OPCML: variants seen among roughly 807,000 people sequenced by gnomAD.
OPCML encodes the protein opioid binding protein/cell adhesion molecule like.
In OPCML, 13 loss-of-function variants were observed where a neutral mutation model predicts 37.8. The observed-to-expected ratio is 0.34, with a 90% confidence interval of 0.22 to 0.55. OPCML has a LOEUF of 0.55. Among genes scored for constraint, OPCML ranks in the 20% least tolerant of loss-of-function variants. OPCML has a pLI of 0.91. For missense variants in OPCML, 341 were observed against 435.6 expected (o/e 0.78, Z 1.93); for synonymous variants, 176 against 168.8 (o/e 1.04, Z -0.33).
chr11:132,906,156 T>C (rs1391510216), intron 2 of OPCML, among the ~76,000 whole-genome samples: 1 of 152,166 alleles, frequency 6.6e-6, no homozygotes, highest in Non-Finnish European at 1.5e-5. Context: ...GGGGCACCTT[T>C]CATCGATGCA....
intron 1 of OPCML, among the ~76,000 whole-genome samples, chr11:133,491,276 G>C (rs1188555112): frequency 1.3e-5 from 2 of 152,150 alleles, no homozygotes; most frequent in Non-Finnish European, 2.9e-5. Context: ...CTATGTTGAG[G>C]CCTCCTAGTC....
At chr11:132,534,890 C>A (rs1014279197) in intron 3 of OPCML, among the ~76,000 whole-genome samples, 1 of 151,944 alleles carries the variant, frequency 6.6e-6, no homozygotes, top group African/African-American at 2.4e-5. Context: ...TTGTTCATGC[C>A]ATTTAGAATC....
chr11:133,253,632 A>G (rs1941215059), intron 1 of OPCML, among the ~76,000 whole-genome samples: 1 of 152,172 alleles, frequency 6.6e-6, no homozygotes, highest in African/African-American at 2.4e-5. Context: ...TTAAATCTTC[A>G]TAACAAATAA....
At chr11:132,859,628 G>T (rs34396079) in intron 2 of OPCML, 1 of 152,352 alleles carries the variant, frequency 6.6e-6, no homozygotes, top group South Asian at 2.1e-4. Context: ...GATTATTACA[G>T]CAGCTTCCTA....
At chr11:132,547,775 T>C (rs772162707) in intron 3 of OPCML, among the ~76,000 whole-genome samples, 1 of 152,186 alleles carries the variant, frequency 6.6e-6, no homozygotes, top group Non-Finnish European at 1.5e-5. Context: ...AAGAATGTTG[T>C]CTGCCACTTG....
intron 2 of OPCML, among the ~76,000 whole-genome samples, chr11:132,720,112 A>T (rs1418070913): frequency 1.3e-5 from 2 of 152,226 alleles, no homozygotes; most frequent in East Asian, 1.9e-4. Flanking sequence ...TAAATGAATG[A>T]GCCCTTTGGA....
chr11:132,643,935 C>T (rs188523322), intron 3 of OPCML, among the ~76,000 whole-genome samples: 2 of 152,276 alleles, frequency 1.3e-5, no homozygotes, highest in Admixed American at 6.5e-5. Context: ...AACTTTTTGT[C>T]CTCAAGCAAC....
intron 1 of OPCML, among the ~76,000 whole-genome samples, chr11:133,062,781 C>T (rs565387099): frequency 6.8e-4 from 104 of 152,338 alleles, no homozygotes; most frequent in Non-Finnish European, 1.0e-3. Flanking sequence ...GTCATTGATC[C>T]CAATCCTGAT....
chr11:133,028,643 C>G lies in OPCML; in HGVS notation c.62-85633G>C, dbSNP rs531981466. On this transcript the variant is annotated intron_variant, in intron 1 of 7. Transcript: ENST00000524381. ...CCCATAGTTGCTAAAACTCATTTGTCTGGCAACCATATGCAAAAGAATGAA... is the reference window on the plus strand; with the variant it reads ...CCCATAGTTGCTAAAACTCATTTGTGTGGCAACCATATGCAAAAGAATGAA... Among the ~76,000 whole-genome samples, 29 of 151,812 alleles carry G rather than the reference C, an allele frequency of 1.9e-4. No homozygotes were observed. In the East Asian group the frequency reaches 3.1e-3, roughly 16 times the overall value.
intron 2 of OPCML, among the ~76,000 whole-genome samples, chr11:132,872,158 T>C (rs1011964748): frequency 6.6e-6 from 1 of 152,222 alleles, no homozygotes; most frequent in Non-Finnish European, 1.5e-5. Flanking sequence ...GCCTGGGACA[T>C]AGTTTGTGCT....
At chr11:133,002,214 C>G (rs1480516029) in intron 1 of OPCML, among the ~76,000 whole-genome samples, 3 of 152,204 alleles carry the variant, frequency 2.0e-5, no homozygotes, top group African/African-American at 7.2e-5. Context: ...AATCTTCACT[C>G]AGCCTCACAA....
intron 2 of OPCML, among the ~76,000 whole-genome samples, chr11:132,661,364 C>T (rs1941969249): frequency 6.6e-6 from 1 of 152,160 alleles, no homozygotes; most frequent in South Asian, 2.1e-4. Context: ...AAGTTATTTT[C>T]CTCATGATGT....
At chr11:133,528,776 A>T (rs2120754220) in intron 1 of OPCML, among the ~76,000 whole-genome samples, 1 of 152,324 alleles carries the variant, frequency 6.6e-6, no homozygotes, top group Non-Finnish European at 1.5e-5. Flanking sequence ...GCGCATGAAG[A>T]CACAGCTCAA....
intron 3 of OPCML, among the ~76,000 whole-genome samples, chr11:132,645,905 C>T (rs551698626): frequency 6.6e-6 from 1 of 152,264 alleles, no homozygotes; most frequent in East Asian, 1.9e-4. Flanking sequence ...GTCTATTGGA[C>T]AGTACTGCTT....
intron 1 of OPCML, among the ~76,000 whole-genome samples, chr11:133,447,382 T>C (rs1290577577): frequency 6.6e-6 from 1 of 152,246 alleles, no homozygotes; most frequent in Non-Finnish European, 1.5e-5. Context: ...ATTTAACTTT[T>C]ATTTTAGATT....
intron 1 of OPCML, among the ~76,000 whole-genome samples, chr11:133,311,007 C>A (rs760330262): frequency 6.6e-6 from 1 of 152,190 alleles, no homozygotes; most frequent in African/African-American, 2.4e-5. Flanking sequence ...TTAGGCTTAA[C>A]AATTGCCAAC....
intron 1 of OPCML, chr11:133,423,202 A>T: frequency 1.0e-6 from 1 of 985,374 alleles, no homozygotes; most frequent in Non-Finnish European, 1.2e-6. Context: ...TCAGTACTCA[A>T]TCATCCCCTT....
chr11:133,268,526 A>G (rs1488546056), intron 1 of OPCML, among the ~76,000 whole-genome samples: 1 of 152,240 alleles, frequency 6.6e-6, no homozygotes, highest in African/African-American at 2.4e-5. Context: ...CAATTAAATA[A>G]TGAATGCTAG....
At chr11:133,420,823 G>A (rs1007350209) in intron 1 of OPCML, 48 of 985,174 alleles carry the variant, frequency 4.9e-5, no homozygotes, top group Non-Finnish European at 5.4e-5. Context: ...AAGGAACATC[G>A]GGAGATTTCA....
Sources: gnomAD v4.1 joint callset for allele counts (sites outside exome capture counted in the v4.1 genomes callset) on GRCh38, gnomAD v4.1.1 for gene constraint, MANE v1.5 for transcripts, NCBI Gene and HGNC (gene_info 2026-07-23, HGNC 2026-07-21) for gene names.